Variants in OLFML2B observed in about 807,000 individuals in gnomAD.
OLFML2B encodes olfactomedin like 2B, also known as olfactomedin-like protein 2B.
OLFML2B carries 57 observed loss-of-function variants against 74.9 expected under a neutral mutation model. That is an observed-to-expected ratio of 0.76 (90% CI 0.61 to 0.95). OLFML2B has a LOEUF of 0.95. Among genes scored for constraint, OLFML2B ranks in the 40% least tolerant of loss-of-function variants. The probability of loss-of-function intolerance (pLI) is 0.00; values close to 1 mark genes in which losing one functional copy is unlikely to be tolerated. For missense variants in OLFML2B, 986 were observed against 970.6 expected, an observed-to-expected ratio of 1.02 and a Z score of -0.21; for synonymous variants, 388 against 405.8, an observed-to-expected ratio of 0.96 and a Z score of 0.53.
intron 6 of OLFML2B, among the ~76,000 whole-genome samples, chr1:161,995,071 G>C (rs1313471513): frequency 6.6e-6 from 1 of 152,178 alleles, no homozygotes; most frequent in Non-Finnish European, 1.5e-5. Flanking sequence ...TTCTTGGCCA[G>C]ACACAGGCAA....
intron 1 of OLFML2B, 103 bp downstream of exon 1, chr1:162,023,154 T>A: frequency 8.8e-7 from 1 of 1,134,596 alleles, no homozygotes; most frequent in Non-Finnish European, 1.2e-6. Context: ...CCATTGGTAA[T>A]GGAAGGAAAA....
Position 162,023,404 on chromosome 1 carries a change from G to A in OLFML2B, c.27C>T (p.Leu9=). The part of the protein sequence containing the change: MAKPRLLV[L]YFALIVVPAW... ...CCGGAACCACAATCAGAGCGAAGTA[G>A]AGAACTAGCAGCCGAGGCTTGGCCA... Residue 9 remains leucine, a synonymous_variant, in exon 1 of 8, where the codon CTC becomes CTT. Transcript: ENST00000294794. 6.3e-7 allele frequency: 1 copy of A among 1,581,274 alleles called. No individual in the cohort carries two copies. The highest frequency in any genetic ancestry group is 1.1e-5 in the South Asian group (1 of 87,868).
At chr1:162,005,078 G>C (rs1227773220) in intron 4 of OLFML2B, among the ~76,000 whole-genome samples, 1 of 152,192 alleles carries the variant, frequency 6.6e-6, no homozygotes, top group Non-Finnish European at 1.5e-5. Flanking sequence ...AAACTTACCT[G>C]TTTCCTCTTC....
chr1:161,989,332 G>A (rs1390913905), intron 6 of OLFML2B, among the ~76,000 whole-genome samples: 1 of 152,200 alleles, frequency 6.6e-6, no homozygotes, highest in Non-Finnish European at 1.5e-5. Context: ...GCCTACAGGG[G>A]TCAGGCAGGA....
At chr1:161,998,395 C>A (rs1689984158) in intron 5 of OLFML2B, 46 bp from the exon 6 acceptor site, 2 of 1,521,838 alleles carry the variant, frequency 1.3e-6, no homozygotes, top group Admixed American at 2.1e-5. Flanking sequence ...AAAGAAACAA[C>A]CTACAGATGA....
intron 3 of OLFML2B, among the ~76,000 whole-genome samples, chr1:162,011,427 C>T (rs536036938): frequency 7.9e-5 from 12 of 152,316 alleles, no homozygotes; most frequent in East Asian, 5.8e-4. Flanking sequence ...GAGACAGCTA[C>T]GACCAGATGG....
chr1:161,987,358 G>A (rs1469462998), intron 6 of OLFML2B, among the ~76,000 whole-genome samples: 1 of 152,170 alleles, frequency 6.6e-6, no homozygotes, highest in African/African-American at 2.4e-5. Context: ...AAAATCCTGA[G>A]ATGGGGAGAC....
intron 3 of OLFML2B, 45 bp downstream of exon 3, chr1:162,017,355 T>G (rs1431537692): frequency 6.9e-7 from 1 of 1,455,194 alleles, no homozygotes; most frequent in Admixed American, 1.7e-5. Context: ...GATATGCTTT[T>G]GGGCTCAATC....
intron 2 of OLFML2B, 147 bp from the exon 3 acceptor site, chr1:162,017,654 C>A: frequency 1.7e-6 from 1 of 597,046 alleles, no homozygotes; most frequent in Admixed American, 3.2e-5. Context: ...TTTGTGTAGA[C>A]AGGGATGTAG....
At chr1:162,010,524 G>T (rs1309415754) in intron 3 of OLFML2B, among the ~76,000 whole-genome samples, 8 of 152,200 alleles carry the variant, frequency 5.3e-5, no homozygotes, top group Non-Finnish European at 4.4e-5. Flanking sequence ...AAGCCATGTA[G>T]GGCCAGCACA....
intron 1 of OLFML2B, among the ~76,000 whole-genome samples, chr1:162,020,952 C>T (rs918653356): frequency 3.3e-5 from 5 of 152,200 alleles, no homozygotes; most frequent in Admixed American, 1.3e-4. Flanking sequence ...CTGTGAGGTG[C>T]TGTGAAGGAT....
At chr1:162,007,687 T>C (rs757514228) in intron 3 of OLFML2B, among the ~76,000 whole-genome samples, 20 of 152,294 alleles carry the variant, frequency 1.3e-4, no homozygotes, top group Non-Finnish European at 2.6e-4. Context: ...ACTAACATCC[T>C]AGAGGGAAGT....
Position 162,017,408 on chromosome 1 carries a change from G to C in OLFML2B, c.538C>G (p.Leu180Val), listed in dbSNP as rs772410289. Reference sequence around the variant, plus strand: ...ACCAGAATCTTCCTTACCTCCTCCAGTTTATCCACTCGCCCCACCAGTTTG... The same window carrying C: ...ACCAGAATCTTCCTTACCTCCTCCACTTTATCCACTCGCCCCACCAGTTTG... The part of the protein sequence containing the change: ...TTKLVGRVDK[L>V]EEEVSKNLTK... The change falls in exon 3 of 8, where the codon CTG becomes GTG. Residue 180 changes from leucine (L) to valine (V), a missense_variant. Leu to Val is a conservative substitution (Grantham distance 32). Transcript: ENST00000294794. 1 of 1,612,296 alleles carries C rather than the reference G, an allele frequency of 6.2e-7. No individual in the cohort carries two copies. The highest frequency in any genetic ancestry group is 8.5e-7 in the Non-Finnish European group (1 of 1,178,966).
chr1:162,019,033 C>T (rs1407650501), intron 2 of OLFML2B, among the ~76,000 whole-genome samples: 1 of 152,218 alleles, frequency 6.6e-6, no homozygotes, highest in Non-Finnish European at 1.5e-5. Flanking sequence ...AGCTGCGGCT[C>T]TGGCCAAATC....
chr1:162,016,186 G>A (rs1175037414), intron 3 of OLFML2B, among the ~76,000 whole-genome samples: 2 of 152,184 alleles, frequency 1.3e-5, no homozygotes, highest in African/African-American at 2.4e-5. Context: ...TCTCTCCATG[G>A]TCAGAGCCTT....
chr1:162,010,624 G>C (rs186667553), intron 3 of OLFML2B, among the ~76,000 whole-genome samples: 2 of 152,202 alleles, frequency 1.3e-5, no homozygotes, highest in East Asian at 3.9e-4. Context: ...CGTGTGCCCG[G>C]GTGAGACCGT....
intron 1 of OLFML2B, 149 bp from the exon 2 acceptor site, chr1:162,020,331 T>C: frequency 1.2e-6 from 1 of 845,196 alleles, no homozygotes; most frequent in Non-Finnish European, 1.8e-6. Context: ...GTCACTGAGA[T>C]GCAGTTTGCT....
chr1:162,001,517 G>A (rs1315372567), intron 4 of OLFML2B, among the ~76,000 whole-genome samples: 1 of 152,194 alleles, frequency 6.6e-6, no homozygotes, highest in East Asian at 1.9e-4. Flanking sequence ...AGTCACTAAC[G>A]ACATCTTGGA....
rs1172520007 is a variant in OLFML2B, at chr1:161,983,738, G to A, written c.2190C>T (p.Asp730=). ...YTTQIDYNPK[D]RLLYAWDNGH... is the part of the protein sequence containing the mutation. ...CATTGTCCCAGGCATAGAGCAGGCGGTCCTTGGGGTTGTAGTCTATCTGGG... is the reference window on the plus strand; with the variant it reads ...CATTGTCCCAGGCATAGAGCAGGCGATCCTTGGGGTTGTAGTCTATCTGGG... The change falls in exon 8 of 8, where the codon GAC becomes GAT. Residue 730 remains aspartate, a synonymous_variant. Transcript: ENST00000294794. 5 of 1,613,846 alleles carry A rather than the reference G, an allele frequency of 3.1e-6. No homozygotes were observed. The highest frequency in any genetic ancestry group is 1.1e-5 in the South Asian group (1 of 91,078).
Sources: gnomAD v4.1 joint callset for allele counts (sites outside exome capture counted in the v4.1 genomes callset) on GRCh38, gnomAD v4.1.1 for gene constraint, MANE v1.5 for transcripts, NCBI Gene and HGNC (gene_info 2026-07-23, HGNC 2026-07-21) for gene names.